The following FAM78B variants were observed in gnomAD, a reference collection of about 807,000 sequenced individuals.
FAM78B encodes the protein protein FAM78B.
FAM78B carries 10 observed loss-of-function variants against 20.0 expected under a neutral mutation model. That is an observed-to-expected ratio of 0.50 (90% CI 0.31 to 0.85). The LOEUF (loss-of-function observed/expected upper bound fraction) is 0.85, where lower values mean the gene tolerates loss of function less well. FAM78B is among the 40% of genes least tolerant of loss of function. FAM78B has a pLI of 0.05. For missense variants in FAM78B, 283 were observed against 345.0 expected (o/e 0.82, Z 1.42); for synonymous variants, 135 against 132.8 (o/e 1.02, Z -0.12).
In FAM78B at chr1:166,155,030, C is replaced by T. The variant is rs372634406; in HGVS notation, c.263+10956G>A. 4.1e-4 allele frequency among the ~76,000 whole-genome samples: 62 copies of T among 152,304 alleles called. 1 individual carries two copies. The East Asian group carries it at 0.01, about 25-fold the overall frequency. ...AAAGGACAGAGGACTGCCTCTGGTG[C>T]TGGGATGGTCCCCTGGGTCTGATCC... On this transcript the variant is annotated intron_variant, in intron 1 of 1. Transcript: ENST00000354422.
At chr1:166,082,182 T>C (rs1047506837) in intron 1 of FAM78B, among the ~76,000 whole-genome samples, 1 of 152,212 alleles carries the variant, frequency 6.6e-6, no homozygotes, top group Non-Finnish European at 1.5e-5. Context: ...GTTTCCTTAT[T>C]TGCCCCACCA....
intron 1 of FAM78B, among the ~76,000 whole-genome samples, chr1:166,116,188 G>A (rs187496592): frequency 6.6e-6 from 1 of 152,314 alleles, no homozygotes; most frequent in East Asian, 1.9e-4. Context: ...CATCCCTGTG[G>A]CATTTTCTCC....
intron 1 of FAM78B, among the ~76,000 whole-genome samples, chr1:166,128,056 C>T (rs1197946934): frequency 6.6e-6 from 1 of 152,122 alleles, no homozygotes; most frequent in Non-Finnish European, 1.5e-5. Context: ...CACTGGAAAA[C>T]TTATAGTAAA....
chr1:166,107,033 C>G (rs1258508776), intron 1 of FAM78B, among the ~76,000 whole-genome samples: 2 of 151,996 alleles, frequency 1.3e-5, no homozygotes, highest in African/African-American at 4.8e-5. Flanking sequence ...GACCTAAATG[C>G]CTACATCAAA....
chr1:166,115,868 T>C (rs1420792606), intron 1 of FAM78B, among the ~76,000 whole-genome samples: 1 of 152,202 alleles, frequency 6.6e-6, no homozygotes, highest in Admixed American at 6.5e-5. Context: ...AACTTCCTTG[T>C]GTAAGAAATG....
chr1:166,077,231 G>A (rs1444081079), intron 1 of FAM78B, among the ~76,000 whole-genome samples: 1 of 152,178 alleles, frequency 6.6e-6, no homozygotes, highest in Non-Finnish European at 1.5e-5. Flanking sequence ...AGCTGGTCCA[G>A]CATCATGGCT....
At chr1:166,067,275 C>T (rs897555734), downstream of FAM78B, among the ~76,000 whole-genome samples, 66 of 152,026 alleles carry the variant, frequency 4.3e-4, no homozygotes, top group African/African-American at 1.2e-4. Context: ...CCTAATTTAA[C>T]GAGGCCTCAA....
chr1:166,087,122 A>G (rs1198342460), intron 1 of FAM78B: 1 of 151,836 alleles, frequency 6.6e-6, no homozygotes, highest in Non-Finnish European at 1.5e-5. Flanking sequence ...CTGGAGTGCA[A>G]TGGCACGATC....
rs143123903 is a variant in FAM78B at position 166,147,080 on chromosome 1, G to C, written c.263+18906C>G. 5.1e-3 allele frequency among the ~76,000 whole-genome samples: 781 copies of C among 152,300 alleles called. 2 individuals carry two copies. Among genetic ancestry groups the C allele is most frequent in the Middle Eastern group, 0.031 (9 of 294 alleles). On this transcript the variant is annotated intron_variant, in intron 1 of 1. Coordinates refer to ENST00000354422, the MANE Select transcript of FAM78B (RefSeq NM_001017961.5). ...TGGAGTTCATGAGAGACCTGATCTA[G>C]GAGGAGATAATCCGAAAGAGCCTTA...
In FAM78B at chr1:166,070,641, T is replaced by C. The variant is rs1170428313; in HGVS notation, c.386A>G (p.Asn129Ser). The C allele has an allele frequency of 3.7e-6, 6 of 1,613,636 alleles. No individual in the cohort carries two copies. In the African/African-American group the frequency reaches 5.3e-5, roughly 14 times the overall value. Residue 129 changes from asparagine to serine, a missense_variant, in exon 2 of 2, where the codon AAC becomes AGC. Coordinates refer to ENST00000354422, the MANE Select transcript of FAM78B (RefSeq NM_001017961.5). ...GCTGACGGAGAACCTGGAGATCTTG[T>C]TGGTGGGGCCAACCAGGGTCACAGT... is the stretch of plus-strand genomic sequence containing the variant. ...TETVTLVGPTNKISRFSVSMN... is the reference protein window; with the variant it reads ...TETVTLVGPTSKISRFSVSMN...
chr1:166,138,684 T>C (rs1398419838), intron 1 of FAM78B, among the ~76,000 whole-genome samples: 1 of 152,328 alleles, frequency 6.6e-6, no homozygotes, highest in South Asian at 2.1e-4. Context: ...AAGAGCTCAA[T>C]AGTTCACAGG....
At chr1:166,133,883 C>T (rs114256297) in intron 1 of FAM78B, among the ~76,000 whole-genome samples, 1,570 of 152,262 alleles carry the variant, frequency 0.01, 35 homozygotes, top group African/African-American at 0.036. Context: ...TTACTTTATA[C>T]GAGGAACTAA....
rs1226085611 is a variant in FAM78B at position 166,166,766 on chromosome 1, T to A, written c.-518A>T. 2 of 149,202 alleles carry A rather than the reference T, an allele frequency of 1.3e-5. No individual in the cohort carries two copies. Among genetic ancestry groups the A allele is most frequent in the Non-Finnish European group, 1.5e-5 (1 of 67,142 alleles). 9.2% of individuals were successfully genotyped at this position (149,202 alleles called of 1,614,324 possible). ...CTCTGCACCACGGCTGCCCCCCGCG[T>A]GCAGCGCACCCAGCGGCGGGCGAGC... On this transcript the variant is annotated 5_prime_UTR_variant, in exon 1 of 2. Transcript: ENST00000354422.
At chr1:166,057,719 AG>A (rs1255569725) in exon 3 of FAM78B, 1 of 152,190 alleles carries the variant, frequency 6.6e-6, no homozygotes, top group Non-Finnish European at 1.5e-5. Flanking sequence ...CACAATTCCA[AG>A]GAGGAAATGG....
intron 1 of FAM78B, among the ~76,000 whole-genome samples, chr1:166,159,766 C>G (rs1656073841): frequency 6.6e-6 from 1 of 152,220 alleles, no homozygotes; most frequent in Non-Finnish European, 1.5e-5. Context: ...ACATCTTTCC[C>G]TAATCATTTG....
At chr1:166,124,993 T>TC (rs936875046) in intron 1 of FAM78B, among the ~76,000 whole-genome samples, 1 of 152,224 alleles carries the variant, frequency 6.6e-6, no homozygotes, top group African/African-American at 2.4e-5. Flanking sequence ...AGCTATACTT[T>TC]CTCTCTCCAA....
intron 1 of FAM78B, among the ~76,000 whole-genome samples, chr1:166,086,874 C>G (rs150510942): frequency 5.9e-5 from 9 of 152,204 alleles, no homozygotes; most frequent in East Asian, 1.9e-4. Flanking sequence ...TATTATCAAA[C>G]TAGAGGGGCA....
intron 1 of FAM78B, among the ~76,000 whole-genome samples, chr1:166,162,914 T>C (rs1656205031): frequency 6.6e-6 from 1 of 152,174 alleles, no homozygotes. Context: ...TACCTGAATA[T>C]TACCCATACC....
At chr1:166,130,615 C>T (rs902550703) in intron 1 of FAM78B, among the ~76,000 whole-genome samples, 5 of 152,156 alleles carry the variant, frequency 3.3e-5, no homozygotes, top group Non-Finnish European at 5.9e-5. Context: ...CCCTCTGCTG[C>T]CACTCCAACA....
Sources: allele counts gnomAD v4.1 joint callset (sites outside exome capture counted in the v4.1 genomes callset), GRCh38; gene constraint gnomAD v4.1.1; transcripts MANE v1.5; gene names NCBI Gene and HGNC (gene_info 2026-07-23, HGNC 2026-07-21).